Variants in PHF20 observed in about 807,000 individuals in gnomAD.
PHF20 encodes the protein glioma-expressed antigen 2.
A neutral mutation model predicts 113.5 loss-of-function variants in PHF20; 23 were observed. The observed-to-expected ratio is 0.20, with a 90% confidence interval of 0.15 to 0.29. PHF20 has a LOEUF of 0.29. Ranked by LOEUF, PHF20 falls within the 10% of genes least tolerant of loss-of-function variation. The pLI, the probability that PHF20 is intolerant of heterozygous loss-of-function variation, is 1.00. For synonymous variants in PHF20, 434 were observed against 457.3 expected (o/e 0.95, Z 0.65); for missense variants, 943 against 1,219.6 (o/e 0.77, Z 3.38).
At chr20:35,830,383 T>C (rs914767998) in intron 2 of PHF20, among the ~76,000 whole-genome samples, 82 of 152,374 alleles carry the variant, frequency 5.4e-4, no homozygotes, top group African/African-American at 1.9e-3. Flanking sequence ...GTGGCTTATT[T>C]CACTTAGCAT....
At chr20:35,806,335 A>G (rs2041881061) in intron 2 of PHF20, among the ~76,000 whole-genome samples, 1 of 149,428 alleles carries the variant, frequency 6.7e-6, no homozygotes, top group Non-Finnish European at 1.5e-5. Flanking sequence ...AATTTTTTGT[A>G]TTTTTAGTGG....
intron 1 of PHF20, among the ~76,000 whole-genome samples, chr20:35,774,249 T>C (rs902683434): frequency 6.6e-6 from 1 of 152,028 alleles, no homozygotes; most frequent in Non-Finnish European, 1.5e-5. Flanking sequence ...CGCGCCCGTC[T>C]AATTTTTTTG....
At chr20:35,823,436 CAAAA>C (rs200101311) in intron 2 of PHF20, among the ~76,000 whole-genome samples, 1 of 66,066 alleles carries the variant, frequency 1.5e-5, no homozygotes. Flanking sequence ...CTTCGTCTCT[CAAAA>C]AAAAAAAAAA....
intron 1 of PHF20, chr20:35,774,934 T>C (rs2041141793): frequency 6.6e-6 from 1 of 152,244 alleles, no homozygotes; most frequent in South Asian, 2.1e-4. Context: ...TAAGTTGTGT[T>C]ATTTCCAGAA....
At chr20:35,801,683 C>CT in intron 2 of PHF20, 78 bp downstream of exon 2, 7 of 879,376 alleles carry the variant, frequency 8.0e-6, no homozygotes, top group South Asian at 4.4e-5. Flanking sequence ...GTAGCTTAGG[C>CT]TTTTTTTGTG....
chr20:35,779,189 C>T (rs1308062045), intron 1 of PHF20, among the ~76,000 whole-genome samples: 1 of 151,914 alleles, frequency 6.6e-6, no homozygotes, highest in Non-Finnish European at 1.5e-5. Context: ...GTGTGTGCCA[C>T]CTCACCCTGC....
rs773682746 is a variant in PHF20, at chr20:35,947,528, T to C, written c.2940T>C (p.Pro980=). 16 of 1,613,998 alleles carry C rather than the reference T, an allele frequency of 9.9e-6. No individual in the cohort carries two copies. Among genetic ancestry groups the C allele is most frequent in the African/African-American group, 1.3e-5 (1 of 74,910 alleles). The change falls in exon 18 of 18, where the codon CCT becomes CCC. Residue 980 remains proline, a synonymous_variant. Coordinates refer to ENST00000374012, the MANE Select transcript of PHF20 (RefSeq NM_016436.5). ...WLDYTGELEP[P]EPLARLPQLK... is the part of the protein sequence containing the mutation. Reference sequence around the variant, plus strand: ...ACTACACTGGGGAACTGGAGCCCCCTGAGCCGCTGGCCAGGCTTCCGCAGC... The same window carrying C: ...ACTACACTGGGGAACTGGAGCCCCCCGAGCCGCTGGCCAGGCTTCCGCAGC...
chr20:35,812,849 G>A (rs1302617871), intron 2 of PHF20, among the ~76,000 whole-genome samples: 1 of 152,156 alleles, frequency 6.6e-6, no homozygotes, highest in Non-Finnish European at 1.5e-5. Context: ...TAATGATTTA[G>A]CATCCATTGA....
chr20:35,817,207 G>A (rs921794870), intron 2 of PHF20, among the ~76,000 whole-genome samples: 1 of 150,518 alleles, frequency 6.6e-6, no homozygotes, highest in African/African-American at 2.4e-5. Flanking sequence ...ATTTATTTGA[G>A]ACAGAGTCTC....
intron 2 of PHF20, among the ~76,000 whole-genome samples, chr20:35,819,942 CCTT>C (rs145225453): frequency 3.3e-5 from 5 of 152,206 alleles, no homozygotes; most frequent in African/African-American, 1.2e-4. Context: ...TGTTATACCT[CCTT>C]TAATCCTTTA....
intron 9 of PHF20, among the ~76,000 whole-genome samples, chr20:35,876,989 C>G (rs1019778347): frequency 6.6e-6 from 1 of 151,600 alleles, no homozygotes; most frequent in African/African-American, 2.4e-5. Context: ...CGCCTGTAGT[C>G]CCAGCTACTT....
chr20:35,887,802 T>G (rs1293149844), intron 9 of PHF20: 1 of 138,322 alleles, frequency 7.2e-6, no homozygotes, highest in Non-Finnish European at 1.5e-5. Flanking sequence ...CTACAAAGAC[T>G]GAATTAAAAA....
In PHF20 at chr20:35,899,436, A is replaced by G. The variant is rs772641348; in HGVS notation, c.1349A>G (p.His450Arg). 3 of 1,614,050 alleles carry G rather than the reference A, an allele frequency of 1.9e-6. No individual in the cohort carries two copies. The highest frequency in any genetic ancestry group is 1.1e-5 in the South Asian group (1 of 91,088). ...AATGCACCAGCTGTCGACCTAGACCATAAGTTTAGATGCAAAGTTGTGGAC... is the reference window on the plus strand; with the variant it reads ...AATGCACCAGCTGTCGACCTAGACCGTAAGTTTAGATGCAAAGTTGTGGAC... ...SSNAPAVDLD[H>R]KFRCKVVDCL... is the part of the protein sequence containing the mutation. The change falls in exon 10 of 18, where the codon CAT (histidine) becomes CGT (arginine). Residue 450 changes from histidine (H) to arginine (R), a missense_variant. Around this residue, in one of 3 missense-constraint regions of PHF20, gnomAD observed 592 missense variants for 787.2 expected, o/e 0.75. Coordinates refer to ENST00000374012, the MANE Select transcript of PHF20 (RefSeq NM_016436.5).
intron 9 of PHF20, among the ~76,000 whole-genome samples, chr20:35,889,710 CTTAA>C (rs35732483): frequency 8.0e-5 from 12 of 150,880 alleles, no homozygotes; most frequent in East Asian, 5.9e-4. Flanking sequence ...TATTCTGTTT[CTTAA>C]TTAATTAATT....
intron 1 of PHF20, among the ~76,000 whole-genome samples, chr20:35,791,166 T>A (rs1313572053): frequency 6.6e-6 from 1 of 152,136 alleles, no homozygotes; most frequent in Non-Finnish European, 1.5e-5. Flanking sequence ...CTGAACTGTT[T>A]TAAAATAGAA....
intron 2 of PHF20, among the ~76,000 whole-genome samples, chr20:35,826,955 C>G (rs892724835): frequency 4.0e-5 from 6 of 150,822 alleles, no homozygotes; most frequent in African/African-American, 1.5e-4. Flanking sequence ...TTCAAAATAG[C>G]AGTTTTTCTG....
chr20:35,913,125 A>G, intron 10 of PHF20, 124 bp from the exon 11 acceptor site: 3 of 466,568 alleles, frequency 6.4e-6, no homozygotes, highest in African/African-American at 2.1e-5. Flanking sequence ...TCCAGACTGG[A>G]GCAATCTGCT....
At chr20:35,783,225 A>C (rs780753854) in intron 1 of PHF20, among the ~76,000 whole-genome samples, 5 of 152,108 alleles carry the variant, frequency 3.3e-5, no homozygotes, top group Non-Finnish European at 7.3e-5. Flanking sequence ...AAAGAAAAAG[A>C]AAACATAGTT....
intron 2 of PHF20, among the ~76,000 whole-genome samples, chr20:35,804,200 C>T (rs112277543): frequency 0.047 from 7,033 of 148,180 alleles, 204 homozygotes; most frequent in African/African-American, 0.088. Context: ...GCTGGGATTA[C>T]AGGTGCCCAC....
Sources: allele counts gnomAD v4.1 joint callset (sites outside exome capture counted in the v4.1 genomes callset), GRCh38; gene constraint gnomAD v4.1.1; regional missense constraint gnomAD v4.1.1; transcripts MANE v1.5; gene names NCBI Gene and HGNC (gene_info 2026-07-23, HGNC 2026-07-21).